Variants in SHOX observed in about 807,000 individuals in gnomAD.
SHOX encodes the protein SHOX homeobox, also known as short stature homeobox protein.
Under a neutral mutation model 29.6 loss-of-function variants are expected in SHOX, and 12 were observed. The observed-to-expected ratio is 0.41, with a 90% CI of 0.26 to 0.66. The LOEUF (loss-of-function observed/expected upper bound fraction) is 0.66, where lower values mean the gene tolerates loss of function less well. Among genes scored for constraint, SHOX ranks in the 30% least tolerant of loss-of-function variants. The pLI is 0.35. For synonymous variants in SHOX, 214 were observed against 200.6 expected, an observed-to-expected ratio of 1.07 and a Z score of -0.57; for missense variants, 499 against 437.7, an observed-to-expected ratio of 1.14 and a Z score of -1.25.
rs931764769 is a variant in SHOX at position 650,558 on chromosome X, G to C, written c.*5922G>C. 2.0e-5 allele frequency among the ~76,000 whole-genome samples: 3 copies of C among 151,846 alleles called. No homozygotes were observed. Among genetic ancestry groups the C allele is most frequent in the Non-Finnish European group, 4.4e-5 (3 of 68,002 alleles). On this transcript the variant is annotated 3_prime_UTR_variant, in exon 5 of 5. Coordinates refer to ENST00000686671, the MANE Select transcript of SHOX (RefSeq NM_000451.4). ...TGAAAGGGAAATACCAGAGTCCTCT[G>C]TCCTCGCCTCTGGGTTTCATGCTGA...
At chrX:624,878 C>CT (rs1357302318) in intron 1 of SHOX, among the ~76,000 whole-genome samples, 5 of 65,126 alleles carry the variant, frequency 7.7e-5, no homozygotes, top group South Asian at 5.4e-4. Context: ...TTCTTTCTTT[C>CT]TTTCTTTCTT....
rs1349152422 is a variant in SHOX, at chrX:650,498, G to A, written c.*5862G>A. 2.0e-5 allele frequency among the ~76,000 whole-genome samples: 3 copies of A among 152,056 alleles called. No homozygotes were observed. The highest frequency in any genetic ancestry group is 1.9e-4 in the East Asian group (1 of 5,186). On this transcript the variant is annotated 3_prime_UTR_variant, in exon 5 of 5. Coordinates refer to ENST00000686671, the MANE Select transcript of SHOX (RefSeq NM_000451.4). ...CGTTTAACCGAAATGAAGCCGAGAC[G>A]GGTTTCAGGTTTTGGTGCCAAGCTC...
Position 644,696 on chromosome X carries a change from G to A in SHOX, c.*60G>A. The A allele has an allele frequency of 7.3e-7, 1 of 1,371,510 alleles. No homozygotes were observed. The highest frequency in any genetic ancestry group is 1.7e-5 in the South Asian group (1 of 57,990). 85.0% of individuals were successfully genotyped at this position (1,371,510 alleles called of 1,614,324 possible). On this transcript the variant is annotated 3_prime_UTR_variant, in exon 5 of 5. Coordinates refer to ENST00000686671, the MANE Select transcript of SHOX (RefSeq NM_000451.4). ...GGGCTCCGCGCACCCCGCCTGCACC[G>A]CGCGTCCTGCACTCAACCCCGCCTG...
chrX:626,345 T>G (rs374853805), upstream of SHOX, among the ~76,000 whole-genome samples: 14,119 of 88,514 alleles, frequency 0.16, 1,716 homozygotes, highest in East Asian at 0.25. Context: ...TGTATCTCTG[T>G]CTATCTCTGT....
intron 1 of SHOX, among the ~76,000 whole-genome samples, chrX:624,843 CTCTCTTCCTCTTTCTT>C: frequency 7.9e-6 from 1 of 127,284 alleles, no homozygotes; most frequent in Non-Finnish European, 1.7e-5. Flanking sequence ...TCCTTCCTTC[CTCTCTTCCTCTTTCTT>C]TCTTTTCTTT....
exon 6 of SHOX, chrX:659,373 C>T (rs1370780456): frequency 1.3e-5 from 2 of 152,194 alleles, no homozygotes; most frequent in African/African-American, 2.4e-5. Context: ...AAGCATGAAC[C>T]ACTGCCCGTG....
At chrX:657,232 A>G (rs1399699867) in intron 5 of SHOX, among the ~76,000 whole-genome samples, 1 of 152,184 alleles carries the variant, frequency 6.6e-6, no homozygotes, top group South Asian at 2.1e-4. Flanking sequence ...TCTTCAGAAA[A>G]CCAATGAGTT....
Position 650,809 on chromosome X carries a change from A to AAAC in SHOX, c.*6175_*6176insCAA, listed in dbSNP as rs1556473200. Among the ~76,000 whole-genome samples, 4 of 148,520 alleles carry AAAC rather than the reference A, an allele frequency of 2.7e-5. No homozygotes were observed. The highest frequency in any genetic ancestry group is 6.7e-5 in the Admixed American group (1 of 14,964). ...TTTGACATTAAAAAAAAAAAAAAAA[A>AAAC]AAAAAAAAAACTGGTGCCTAATTTA... is the stretch of plus-strand genomic sequence containing the variant. On this transcript the variant is annotated 3_prime_UTR_variant, in exon 5 of 5. Transcript: ENST00000686671.
chrX:624,420 C>T (rs2052462950), exon 1 of SHOX: 1 of 149,014 alleles, frequency 6.7e-6, no homozygotes, highest in Non-Finnish European at 1.5e-5. Flanking sequence ...TATTTCGTTT[C>T]CGCGCGTCTC....
At position 650,351 on chromosome X, in the gene SHOX, G is replaced by T. The variant is rs73190329; in HGVS notation, c.*5715G>T. 0.039 allele frequency among the ~76,000 whole-genome samples: 5,873 copies of T among 152,264 alleles called. 170 individuals are homozygous for T. Among genetic ancestry groups the T allele is most frequent in the South Asian group, 0.13 (647 of 4,826 alleles). On this transcript the variant is annotated 3_prime_UTR_variant, in exon 5 of 5. Coordinates refer to ENST00000686671, the MANE Select transcript of SHOX (RefSeq NM_000451.4). ...TCTCCATCCCGCCAAAGTCCAGCCA[G>T]GCCCCCGAAATGGTCCCATTTCCTT... is the stretch of plus-strand genomic sequence containing the variant.
At chrX:637,153 A>T (rs2052774614) in intron 2 of SHOX, among the ~76,000 whole-genome samples, 2 of 151,842 alleles carry the variant, frequency 1.3e-5, no homozygotes, top group South Asian at 4.2e-4. Flanking sequence ...GTCCCTCCTT[A>T]GGGCGTCTGT....
chrX:653,171 G>A (rs1454735607), downstream of SHOX, among the ~76,000 whole-genome samples: 1 of 152,134 alleles, frequency 6.6e-6, no homozygotes, highest in African/African-American at 2.4e-5. Flanking sequence ...GACCCAGGAG[G>A]CGGAGGTTGC....
intron 2 of SHOX, among the ~76,000 whole-genome samples, chrX:639,257 C>T (rs2052808277): frequency 6.6e-6 from 1 of 152,224 alleles, no homozygotes; most frequent in Admixed American, 6.5e-5. Context: ...CAGAATGCCC[C>T]CACCACAAAG....
upstream of SHOX, chrX:630,779 C>T: frequency 7.9e-7 from 1 of 1,273,396 alleles, no homozygotes; most frequent in Non-Finnish European, 1.1e-6. Context: ...GTGAGATTTC[C>T]AATGGAAAGG....
Position 634,619 on chromosome X carries a change from G to A in SHOX, c.279G>A (p.Gly93=). 6.2e-7 allele frequency: 1 copy of A among 1,613,598 alleles called. No individual in the cohort carries two copies. Among genetic ancestry groups the A allele is most frequent in the South Asian group, 1.1e-5 (1 of 91,050 alleles). The change falls in exon 2 of 5, where the codon GGG becomes GGA. Residue 93 remains glycine (G), a splice_region_variant and synonymous_variant. Coordinates refer to ENST00000686671, the MANE Select transcript of SHOX (RefSeq NM_000451.4). ...CTGTGCCCTCCGCTCCCCACGCAGG[G>A]ATTTATGAATGCAAAGAGAAGCGCG... The part of the protein sequence containing the change: ...KEFGTARVAE[G]IYECKEKRED...
At chrX:635,158 A>G (rs1162315298) in intron 2 of SHOX, among the ~76,000 whole-genome samples, 2 of 152,076 alleles carry the variant, frequency 1.3e-5, no homozygotes, top group Non-Finnish European at 1.5e-5. Flanking sequence ...CACCCGGTGA[A>G]CCCATATATT....
Position 646,946 on chromosome X carries a change from G to GT in SHOX, c.*2310_*2311insT, listed in dbSNP as rs2124200396. 1 of 106,498 alleles carries GT rather than the reference G, an allele frequency of 9.4e-6. No individual in the cohort carries two copies. Among genetic ancestry groups the GT allele is most frequent in the African/African-American group, 4.8e-5 (1 of 20,892 alleles). 6.6% of individuals were successfully genotyped at this position (106,498 alleles called of 1,614,324 possible). On this transcript the variant is annotated 3_prime_UTR_variant, in exon 5 of 5. Coordinates refer to ENST00000686671, the MANE Select transcript of SHOX (RefSeq NM_000451.4). The stretch of plus-strand genomic sequence containing the variant: ...GGTTGGTAAGATATGTACAGCCCTA[G>GT]ATTTTTTTTTTTTAACCAAAAAGGC...
intron 1 of SHOX, chrX:631,953 C>T (rs1213054551): frequency 4.4e-6 from 2 of 456,088 alleles, no homozygotes; most frequent in East Asian, 6.9e-5. Context: ...GCCTGCCGGG[C>T]CCCCGGAGAT....
chrX:644,789 G>A lies in SHOX; in HGVS notation c.*153G>A. ...TCCTGCAAGAGGCCTGAGGAGGGAG[G>A]CTCCCGGGACCGTCCACGCACGACC... On this transcript the variant is annotated 3_prime_UTR_variant, in exon 5 of 5. Transcript: ENST00000686671. The A allele has an allele frequency of 9.2e-7, 1 of 1,083,820 alleles. No individual in the cohort carries two copies. Among genetic ancestry groups the A allele is most frequent in the Non-Finnish European group, 1.2e-6 (1 of 821,372 alleles). 67.1% of individuals were successfully genotyped at this position (1,083,820 alleles called of 1,614,324 possible). A position where few individuals can be genotyped will look rare whatever the true frequency, so the allele number is the denominator to read the frequency against.
Sources: allele counts gnomAD v4.1 joint callset (sites outside exome capture counted in the v4.1 genomes callset), GRCh38; gene constraint gnomAD v4.1.1; transcripts MANE v1.5; gene names NCBI Gene and HGNC (gene_info 2026-07-23, HGNC 2026-07-21).